Variants in TENM3 observed in about 807,000 individuals in gnomAD.
The protein encoded by TENM3 is teneurin-3.
TENM3 carries 63 observed loss-of-function variants against 255.1 expected under a neutral mutation model. The observed-to-expected ratio is 0.25, with a 90% CI of 0.20 to 0.30. TENM3 has a LOEUF of 0.30. Ranked by LOEUF, TENM3 falls within the 10% of genes least tolerant of loss-of-function variation. The pLI, the probability that TENM3 is intolerant of heterozygous loss-of-function variation, is 1.00. For synonymous variants in TENM3, 1,306 were observed against 1,322.3 expected (o/e 0.99, Z 0.27); for missense variants, 2,929 against 3,461.1 (o/e 0.85, Z 3.86).
chr4:181,818,647 T>C, the TENM3 span, among the ~76,000 whole-genome samples: 6 of 150,754 alleles, frequency 4.0e-5, no homozygotes. Flanking sequence ...TTAGCTATTG[T>C]CACCCAGGCT....
chr4:181,649,464 A>C, the TENM3 span, among the ~76,000 whole-genome samples: 26 of 152,348 alleles, frequency 1.7e-4, no homozygotes, highest in African/African-American at 6.0e-4. Flanking sequence ...GCAGTATTAC[A>C]TGCCATTAGG....
the TENM3 span, among the ~76,000 whole-genome samples, chr4:181,580,287 C>T: frequency 2.0e-5 from 3 of 152,144 alleles, no homozygotes; most frequent in African/African-American, 7.2e-5. Context: ...CGTGAGCCAC[C>T]GTGCACAGCC....
At chr4:181,825,106 T>C in the TENM3 span, among the ~76,000 whole-genome samples, 3 of 152,170 alleles carry the variant, frequency 2.0e-5, no homozygotes, top group African/African-American at 7.2e-5. Flanking sequence ...CTAAAAACTA[T>C]TTTTAAAAGA....
chr4:182,751,348 T>A (rs555073180), intron 19 of TENM3, among the ~76,000 whole-genome samples: 1 of 152,236 alleles, frequency 6.6e-6, no homozygotes, highest in African/African-American at 2.4e-5. Flanking sequence ...TAATACCCTA[T>A]GGTGAGGTAT....
chr4:181,767,551 T>G, the TENM3 span, among the ~76,000 whole-genome samples: 1 of 152,088 alleles, frequency 6.6e-6, no homozygotes, highest in African/African-American at 2.4e-5. Flanking sequence ...CTGTGGTCTA[T>G]GTATATGGCT....
intron 18 of TENM3, among the ~76,000 whole-genome samples, chr4:182,739,427 T>C (rs1349699543): frequency 6.6e-6 from 1 of 152,188 alleles, no homozygotes; most frequent in African/African-American, 2.4e-5. Flanking sequence ...AGTTAATCTA[T>C]TATACTTTAG....
In TENM3 at chr4:182,696,523, G is replaced by A. The variant is rs542251784; in HGVS notation, c.2221+8172G>A. On this transcript the variant is annotated intron_variant, in intron 12 of 27. Coordinates refer to ENST00000511685, the MANE Select transcript of TENM3 (RefSeq NM_001080477.4). ...GGGTAGATCACGAGGTCAGGAGATC[G>A]GGACCATCCTGACCAACATGGTGAA... Among the ~76,000 whole-genome samples the A allele has an allele frequency of 5.3e-5, 8 of 152,056 alleles. No homozygotes were observed. The South Asian group carries it at 1.0e-3, about 20-fold the overall frequency.
At chr4:181,884,300 TATA>T in the TENM3 span, among the ~76,000 whole-genome samples, 1 of 143,550 alleles carries the variant, frequency 7.0e-6, no homozygotes, top group Non-Finnish European at 1.6e-5. Context: ...TAATTTTTAT[TATA>T]ATAAATATAT....
At chr4:181,651,447 A>G in the TENM3 span, among the ~76,000 whole-genome samples, 2 of 152,104 alleles carry the variant, frequency 1.3e-5, no homozygotes, top group Non-Finnish European at 2.9e-5. Context: ...ATTTACCTGG[A>G]CATGGTGGCA....
chr4:182,679,852 G>T lies in TENM3; in HGVS notation c.1513G>T (p.Val505Leu), dbSNP rs533464172. ...TAATGATGGGAAAAATGCAGAGCAG[G>T]TGTCTTTTAATACCATTGTTATAGG... ...FYNDGKNAEQ[V>L]SFNTIVIESV... The change falls in exon 8 of 28, where the codon GTG (valine) becomes TTG (leucine). Residue 505 changes from valine to leucine, a missense_variant. This residue lies in a region of TENM3 where 1,608 missense variants were observed against 1,884.4 expected (regional missense o/e 0.85). Transcript: ENST00000511685. 9.2e-5 allele frequency: 149 copies of T among 1,612,036 alleles called. 2 individuals carry two copies. The South Asian group carries it at 1.5e-3, about 16-fold the overall frequency.
intron 11 of TENM3, among the ~76,000 whole-genome samples, chr4:182,685,965 T>C (rs536804696): frequency 6.6e-6 from 1 of 152,002 alleles, no homozygotes; most frequent in Non-Finnish European, 1.5e-5. Flanking sequence ...AAAGATTAAA[T>C]TGGCTGCCAA....
At chr4:181,457,283 G>A in the TENM3 span, among the ~76,000 whole-genome samples, 1 of 151,828 alleles carries the variant, frequency 6.6e-6, no homozygotes, top group Non-Finnish European at 1.5e-5. Flanking sequence ...CTGAAACTTG[G>A]TGATATACCA....
the TENM3 span, among the ~76,000 whole-genome samples, chr4:181,740,933 C>T: frequency 1.3e-5 from 2 of 152,058 alleles, no homozygotes; most frequent in African/African-American, 4.8e-5. Flanking sequence ...CGTAAGATGG[C>T]TACATTTCTA....
At chr4:182,426,375 C>A (rs117411556) in intron 3 of TENM3, among the ~76,000 whole-genome samples, 3,952 of 152,140 alleles carry the variant, frequency 0.026, 102 homozygotes, top group South Asian at 0.14. Context: ...TAGAAAAATT[C>A]TAAAATCAAA....
intron 3 of TENM3, among the ~76,000 whole-genome samples, chr4:182,396,173 A>G (rs1768793811): frequency 1.3e-5 from 2 of 152,132 alleles, no homozygotes; most frequent in Admixed American, 6.5e-5. Flanking sequence ...TTACTTTCTC[A>G]TAAGTCAGTT....
At chr4:181,501,498 C>T in the TENM3 span, among the ~76,000 whole-genome samples, 8 of 152,098 alleles carry the variant, frequency 5.3e-5, no homozygotes, top group Non-Finnish European at 1.2e-4. Flanking sequence ...CCTGCCTCAG[C>T]CTCCCAAGTA....
At chr4:182,082,278 C>A in the TENM3 span, among the ~76,000 whole-genome samples, 24 of 152,084 alleles carry the variant, frequency 1.6e-4, no homozygotes, top group Non-Finnish European at 2.9e-5. Flanking sequence ...CAAGGCAGCT[C>A]TCTAGGATCT....
the TENM3 span, among the ~76,000 whole-genome samples, chr4:181,825,886 T>C: frequency 8.2e-3 from 1,242 of 152,304 alleles, 22 homozygotes; most frequent in African/African-American, 0.029. Flanking sequence ...TCCTTCTGTC[T>C]TCTTCACTCC....
At chr4:182,544,478 C>G (rs1019169684) in intron 3 of TENM3, among the ~76,000 whole-genome samples, 1 of 151,752 alleles carries the variant, frequency 6.6e-6, no homozygotes, top group African/African-American at 2.4e-5. Flanking sequence ...TTACAGGGGC[C>G]CACCACCATG....
Sources: gnomAD v4.1 joint callset for allele counts (sites outside exome capture counted in the v4.1 genomes callset) on GRCh38, gnomAD v4.1.1 for gene constraint, gnomAD v4.1.1 regional missense constraint, MANE v1.5 for transcripts, NCBI Gene and HGNC (gene_info 2026-07-23, HGNC 2026-07-21) for gene names.